Variants in CAPN6 observed in about 807,000 individuals in gnomAD.
The protein encoded by CAPN6 is calpain 6.
In CAPN6, 16 loss-of-function variants were observed where a neutral mutation model predicts 46.0. The observed-to-expected ratio is 0.35, with a 90% CI of 0.24 to 0.53. The LOEUF is 0.53. Ranked by LOEUF, CAPN6 falls within the 20% of genes least tolerant of loss-of-function variation. The pLI is 0.94. For missense variants in CAPN6, 461 were observed against 498.0 expected (o/e 0.93, Z 0.71); for synonymous variants, 206 against 172.8 (o/e 1.19, Z -1.51).
At position 111,246,669 on chromosome X, in the gene CAPN6, A is replaced by G; in HGVS notation, c.1834T>C (p.Tyr612His). 1 of 1,210,590 alleles carries G rather than the reference A, an allele frequency of 8.3e-7. No individual in the cohort carries two copies. The highest frequency in any genetic ancestry group is 1.8e-5 in the South Asian group (1 of 56,936). ...GTTGGACCACCCTTCTTACGCAGGTACAGAGACTTCAGATCACGGCAGTCG... is the reference window on the plus strand; with the variant it reads ...GTTGGACCACCCTTCTTACGCAGGTGCAGAGACTTCAGATCACGGCAGTCG... ...PSDCRDLKSL[Y>H]LRKKGGPTAK... Residue 612 changes from tyrosine (Y) to histidine (H), a missense_variant, in exon 13 of 13, where the codon TAC becomes CAC. Physicochemically the swap from Tyr to His is moderately conservative, Grantham distance 83 (BLOSUM62 2). Coordinates refer to ENST00000324068, the MANE Select transcript of CAPN6 (RefSeq NM_014289.4).
chrX:111,248,701 A>G lies in CAPN6; in HGVS notation c.1352T>C (p.Ile451Thr). Residue 451 changes from isoleucine to threonine, a missense_variant, in exon 10 of 13, where the codon ATT (isoleucine) becomes ACT (threonine). Ile to Thr is a moderately conservative substitution (Grantham distance 89). Transcript: ENST00000324068. ...GCTCAGAAACACTGTGCGGGTGTCA[A>G]TATAGGTGGAAGTCCCAGCACGCTC... Reference protein sequence around the residue: ...IQERAGTSTYIDTRTVFLSKY... With the variant: ...IQERAGTSTYTDTRTVFLSKY... The G allele has an allele frequency of 4.1e-6, 5 of 1,211,074 alleles. No individual in the cohort carries two copies. Among genetic ancestry groups the G allele is most frequent in the Non-Finnish European group, 4.5e-6 (4 of 895,227 alleles).
chrX:111,268,600 C>T (rs1291068263), intron 1 of CAPN6, among the ~76,000 whole-genome samples: 1 of 112,511 alleles, frequency 8.9e-6, no homozygotes, highest in African/African-American at 3.2e-5. Flanking sequence ...AAGACATGCA[C>T]CAACATTTAA....
intron 2 of CAPN6, among the ~76,000 whole-genome samples, chrX:111,258,239 C>T (rs978458714): frequency 1.8e-5 from 2 of 111,531 alleles, no homozygotes; most frequent in South Asian, 3.8e-4. Flanking sequence ...CAGGGTAAAC[C>T]GCAGGAACCT....
chrX:111,263,646 A>AAAGG (rs1221102424), intron 2 of CAPN6, 126 bp downstream of exon 2: 29 of 455,351 alleles, frequency 6.4e-5, no homozygotes, highest in Middle Eastern at 4.3e-4. Flanking sequence ...AAAAAAAAAG[A>AAAGG]AAGGAAGGAA....
At chrX:111,247,054 C>G (rs952583437) in intron 12 of CAPN6, among the ~76,000 whole-genome samples, 7 of 111,412 alleles carry the variant, frequency 6.3e-5, no homozygotes, top group African/African-American at 2.3e-4. Context: ...TCATCCTGAC[C>G]TAGCCATGTG....
Position 111,251,203 on chromosome X carries a change from C to T in CAPN6, c.971+6G>A. The stretch of plus-strand genomic sequence containing the variant: ...CAATTCCCTTAGTGCAGAAACCCCT[C>T]CTCACCAAAACTCTCCATCATCAGA... On this transcript the variant is annotated splice_donor_region_variant and intron_variant, in intron 7 of 12. Transcript: ENST00000324068. The T allele has an allele frequency of 5.8e-6, 7 of 1,210,314 alleles. No individual in the cohort carries two copies. The highest frequency in any genetic ancestry group is 7.8e-6 in the Non-Finnish European group (7 of 894,803).
At chrX:111,262,032 T>A (rs1434877420) in intron 2 of CAPN6, among the ~76,000 whole-genome samples, 2 of 111,534 alleles carry the variant, frequency 1.8e-5, no homozygotes, top group African/African-American at 6.5e-5. Context: ...CCCTTATTTA[T>A]CACCATCCAT....
chrX:111,251,755 A>G lies in CAPN6; in HGVS notation c.700-13T>C, dbSNP rs369182725. On this transcript the variant is annotated splice_polypyrimidine_tract_variant and intron_variant, in intron 5 of 12. Transcript: ENST00000324068. ...CCTGATTGGGAGACTGAGAGCAAAGAAAGATATATAAAGGCACAGGAATTG... is the reference window on the plus strand; with the variant it reads ...CCTGATTGGGAGACTGAGAGCAAAGGAAGATATATAAAGGCACAGGAATTG... The G allele has an allele frequency of 3.4e-5, 40 of 1,171,081 alleles. No individual in the cohort carries two copies. The highest frequency in any genetic ancestry group is 4.7e-4 in the Middle Eastern group (2 of 4,235).
At chrX:111,249,858 G>T (rs1475742239) in intron 8 of CAPN6, among the ~76,000 whole-genome samples, 3 of 101,393 alleles carry the variant, frequency 3.0e-5, no homozygotes, top group African/African-American at 1.1e-4. Context: ...AAGGAAGGAA[G>T]GAGGGAGGGA....
At chrX:111,263,132 A>AAG (rs978710541) in intron 2 of CAPN6, among the ~76,000 whole-genome samples, 19 of 112,331 alleles carry the variant, frequency 1.7e-4, no homozygotes, top group African/African-American at 5.8e-4. Context: ...ATGAACTTCC[A>AAG]AGAGAAAATA....
intron 6 of CAPN6, 122 bp from the exon 7 acceptor site, chrX:111,251,408 C>T (rs773810317): frequency 2.6e-4 from 240 of 906,788 alleles, no homozygotes; most frequent in Admixed American, 1.4e-3. Flanking sequence ...ATTTCATCTG[C>T]GGCTGGGTCA....
chrX:111,254,508 G>A, intron 2 of CAPN6, 105 bp from the exon 3 acceptor site: 1 of 564,687 alleles, frequency 1.8e-6, no homozygotes, highest in East Asian at 3.6e-5. Context: ...ATAAGGTTAG[G>A]GTTGAAAAAT....
intron 3 of CAPN6, 126 bp downstream of exon 3, chrX:111,254,146 T>C (rs2094981871): frequency 1.1e-5 from 9 of 831,890 alleles, no homozygotes; most frequent in African/African-American, 2.0e-5. Context: ...GGAAGTCGCC[T>C]AGTTAATATC....
intron 5 of CAPN6, 67 bp downstream of exon 5, chrX:111,252,240 C>T (rs755563776): frequency 7.6e-6 from 7 of 916,876 alleles, no homozygotes; most frequent in Non-Finnish European, 9.0e-6. Flanking sequence ...GCGAATTTCC[C>T]TACCAAACTT....
intron 10 of CAPN6, among the ~76,000 whole-genome samples, chrX:111,248,327 C>T (rs1315542510): frequency 8.9e-6 from 1 of 112,231 alleles, no homozygotes; most frequent in Admixed American, 9.4e-5. Context: ...TGTGGAAGAA[C>T]TTAGACTATA....
chrX:111,255,201 T>G (rs112395678), intron 2 of CAPN6, among the ~76,000 whole-genome samples: 1 of 111,886 alleles, frequency 8.9e-6, no homozygotes, highest in African/African-American at 3.2e-5. Context: ...CACAAAGCGA[T>G]AGGGCACAGT....
At position 111,254,406 on chromosome X, in the gene CAPN6, A is replaced by G. The variant is rs2094982171; in HGVS notation, c.166-3T>C. ...AGATGGGGGTCATCACAGATGTCCTATGAATACAATAATTGGTTATATGAG... is the reference window on the plus strand; with the variant it reads ...AGATGGGGGTCATCACAGATGTCCTGTGAATACAATAATTGGTTATATGAG... On this transcript the variant is annotated splice_region_variant and splice_polypyrimidine_tract_variant and intron_variant, in intron 2 of 12. Transcript: ENST00000324068. 1.7e-6 allele frequency: 2 copies of G among 1,191,557 alleles called. No homozygotes were observed. The highest frequency in any genetic ancestry group is 3.6e-5 in the South Asian group (2 of 55,633).
In CAPN6 at chrX:111,256,165, G is replaced by A. The variant is rs1156437563; in HGVS notation, c.166-1762C>T. ...TGTAATCCCAGCACTTTGGGAGGCCGAGGCAGGTGGATCACCTGAGGTCAG... is the reference window on the plus strand; with the variant it reads ...TGTAATCCCAGCACTTTGGGAGGCCAAGGCAGGTGGATCACCTGAGGTCAG... On this transcript the variant is annotated intron_variant, in intron 2 of 12. Coordinates refer to ENST00000324068, the MANE Select transcript of CAPN6 (RefSeq NM_014289.4). Among the ~76,000 whole-genome samples, 21 of 111,650 alleles carry A rather than the reference G, an allele frequency of 1.9e-4. 1 individual carries two copies. Among genetic ancestry groups the A allele is most frequent in the Non-Finnish European group, 1.9e-4 (10 of 53,133 alleles).
At chrX:111,248,896 T>C (rs1423842962) in intron 9 of CAPN6, 39 bp downstream of exon 9, 1 of 1,209,442 alleles carries the variant, frequency 8.3e-7, no homozygotes. Flanking sequence ...TTTTACTCTG[T>C]TTGCCTTCAT....
Sources: gnomAD v4.1 joint callset for allele counts (sites outside exome capture counted in the v4.1 genomes callset) on GRCh38, gnomAD v4.1.1 for gene constraint, MANE v1.5 for transcripts, NCBI Gene and HGNC (gene_info 2026-07-23, HGNC 2026-07-21) for gene names.